Variants in ADAMTS12 observed in about 807,000 individuals in gnomAD.
ADAMTS12 encodes ADAM metallopeptidase with thrombospondin type 1 motif 12, also known as A disintegrin and metalloproteinase with thrombospondin motifs 12.
ADAMTS12 carries 118 observed loss-of-function variants against 167.8 expected under a neutral mutation model. That is an observed-to-expected ratio of 0.70 (90% CI 0.61 to 0.82). The LOEUF (loss-of-function observed/expected upper bound fraction) is 0.82, where lower values mean the gene tolerates loss of function less well. Among genes scored for constraint, ADAMTS12 ranks in the 40% least tolerant of loss-of-function variants. The pLI is 0.00. For missense variants in ADAMTS12, 1,916 were observed against 1,998.8 expected, an observed-to-expected ratio of 0.96 and a Z score of 0.79; for synonymous variants, 704 against 716.9, an observed-to-expected ratio of 0.98 and a Z score of 0.29.
intron 1 of ADAMTS12, among the ~76,000 whole-genome samples, chr5:33,887,454 G>A (rs1356606700): frequency 6.6e-6 from 1 of 152,186 alleles, no homozygotes; most frequent in African/African-American, 2.4e-5. Context: ...TGTCAATAAG[G>A]TGTGGGGTTG....
intron 22 of ADAMTS12, among the ~76,000 whole-genome samples, chr5:33,545,661 C>T (rs887515884): frequency 3.9e-5 from 6 of 152,106 alleles, no homozygotes; most frequent in African/African-American, 1.4e-4. Flanking sequence ...CACATATACA[C>T]CATGGAATAC....
intron 7 of ADAMTS12, among the ~76,000 whole-genome samples, chr5:33,657,618 A>T (rs958604798): frequency 2.0e-5 from 3 of 152,238 alleles, no homozygotes; most frequent in Non-Finnish European, 4.4e-5. Flanking sequence ...TTGGACATCC[A>T]GTTAACTGGT....
At chr5:33,726,434 ATTAAAC>A (rs1743984562) in intron 3 of ADAMTS12, among the ~76,000 whole-genome samples, 1 of 152,246 alleles carries the variant, frequency 6.6e-6, no homozygotes, top group Non-Finnish European at 1.5e-5. Flanking sequence ...CTTTAGACAA[ATTAAAC>A]TTAGAAGAGT....
At chr5:33,745,715 T>C (rs2112380495) in intron 3 of ADAMTS12, among the ~76,000 whole-genome samples, 1 of 152,068 alleles carries the variant, frequency 6.6e-6, no homozygotes, top group Middle Eastern at 3.4e-3. Flanking sequence ...AGAAGATTAT[T>C]TGCATGAAGG....
chr5:33,546,445 A>G (rs1470037009), intron 21 of ADAMTS12, among the ~76,000 whole-genome samples: 1 of 152,100 alleles, frequency 6.6e-6, no homozygotes, highest in African/African-American at 2.4e-5. Flanking sequence ...TCCTGAAGAT[A>G]TAAGGAGGAG....
At chr5:33,785,127 G>A (rs77498009) in intron 2 of ADAMTS12, among the ~76,000 whole-genome samples, 262 of 152,124 alleles carry the variant, frequency 1.7e-3, no homozygotes, top group African/African-American at 5.9e-3. Context: ...ACATGAAAAA[G>A]AATGATGATG....
chr5:33,850,415 C>A (rs535530901), intron 2 of ADAMTS12, among the ~76,000 whole-genome samples: 2 of 152,316 alleles, frequency 1.3e-5, no homozygotes, highest in African/African-American at 2.4e-5. Flanking sequence ...GTGCTACACA[C>A]CCATCCTCCC....
chr5:33,613,133 T>C (rs1047382404), intron 16 of ADAMTS12, among the ~76,000 whole-genome samples: 1 of 152,170 alleles, frequency 6.6e-6, no homozygotes, highest in Non-Finnish European at 1.5e-5. Flanking sequence ...TCTTCCCTTT[T>C]GCTACATCAC....
Position 33,641,828 on chromosome 5 carries a change from C to A in ADAMTS12, c.1700G>T (p.Arg567Met). Reference protein sequence around the residue: ...TCGAGVQSAERLCNNPEPKFG... With the variant: ...TCGAGVQSAEMLCNNPEPKFG... Reference sequence around the variant, plus strand: ...GACTCACTCGGGGTTGTTGCAGAGCCTCTCTGCGCTCTGGACTCCAGCCCC... The same window carrying A: ...GACTCACTCGGGGTTGTTGCAGAGCATCTCTGCGCTCTGGACTCCAGCCCC... The change falls in exon 11 of 24, where the codon AGG becomes ATG. Residue 567 changes from arginine to methionine, a missense_variant. Arg to Met is a moderately conservative substitution (Grantham distance 91). Coordinates refer to ENST00000504830, the MANE Select transcript of ADAMTS12 (RefSeq NM_030955.4). 6.2e-7 allele frequency: 1 copy of A among 1,611,282 alleles called. No homozygotes were observed. The highest frequency in any genetic ancestry group is 1.1e-5 in the South Asian group (1 of 90,704).
At chr5:33,723,863 T>C (rs1433861509) in intron 3 of ADAMTS12, among the ~76,000 whole-genome samples, 2 of 152,212 alleles carry the variant, frequency 1.3e-5, no homozygotes, top group Admixed American at 6.5e-5. Flanking sequence ...ATTGCCATAG[T>C]ACTTTGGAGA....
chr5:33,619,830 G>A (rs1335575388), intron 14 of ADAMTS12, among the ~76,000 whole-genome samples: 1 of 152,134 alleles, frequency 6.6e-6, no homozygotes, highest in Non-Finnish European at 1.5e-5. Context: ...GAGTAGCTGG[G>A]ACTACCAGCG....
intron 2 of ADAMTS12, among the ~76,000 whole-genome samples, chr5:33,860,538 T>C (rs748522166): frequency 5.9e-5 from 9 of 152,190 alleles, no homozygotes; most frequent in Non-Finnish European, 8.8e-5. Flanking sequence ...CTGTGTTTGA[T>C]TGGTGTATCT....
chr5:33,809,198 T>G (rs1037102), intron 2 of ADAMTS12, among the ~76,000 whole-genome samples: 75,599 of 152,038 alleles, frequency 0.5, 19,904 homozygotes, highest in East Asian at 0.78. Context: ...CCTGTTAAAC[T>G]GCAGACCATG....
intron 11 of ADAMTS12, among the ~76,000 whole-genome samples, chr5:33,640,165 A>G (rs1416880060): frequency 6.6e-6 from 1 of 152,168 alleles, no homozygotes; most frequent in Non-Finnish European, 1.5e-5. Flanking sequence ...TGAATCTGTG[A>G]CTTGAACCAC....
chr5:33,533,970 C>G (rs1744246787), intron 23 of ADAMTS12, among the ~76,000 whole-genome samples: 1 of 152,202 alleles, frequency 6.6e-6, no homozygotes, highest in South Asian at 2.1e-4. Flanking sequence ...TCAAATTTTT[C>G]TTTTAATGAG....
At chr5:33,773,138 C>CT (rs1326361671) in intron 2 of ADAMTS12, among the ~76,000 whole-genome samples, 1 of 152,102 alleles carries the variant, frequency 6.6e-6, no homozygotes, top group East Asian at 1.9e-4. Context: ...TTTTATTCTT[C>CT]TTTTTTCCAA....
At chr5:33,705,877 T>C (rs542557927) in intron 3 of ADAMTS12, among the ~76,000 whole-genome samples, 62 of 152,064 alleles carry the variant, frequency 4.1e-4, no homozygotes, top group Admixed American at 8.5e-4. Flanking sequence ...GCAATCCTCC[T>C]TAAATAGCTA....
At chr5:33,749,559 T>C (rs1482505809) in intron 3 of ADAMTS12, among the ~76,000 whole-genome samples, 1 of 152,166 alleles carries the variant, frequency 6.6e-6, no homozygotes, top group African/African-American at 2.4e-5. Flanking sequence ...CATACTTGCT[T>C]AGTACCTCAA....
intron 3 of ADAMTS12, among the ~76,000 whole-genome samples, chr5:33,694,606 C>T (rs1742684202): frequency 6.6e-6 from 1 of 151,614 alleles, no homozygotes; most frequent in African/African-American, 2.4e-5. Flanking sequence ...AGACTGAACG[C>T]AGAGAGCCAC....
Sources: allele counts gnomAD v4.1 joint callset (sites outside exome capture counted in the v4.1 genomes callset), GRCh38; gene constraint gnomAD v4.1.1; transcripts MANE v1.5; gene names NCBI Gene and HGNC (gene_info 2026-07-23, HGNC 2026-07-21).